Variants in FBXW7 observed in about 807,000 individuals in gnomAD.
The protein encoded by FBXW7 is F-box and WD repeat domain containing 7.
In FBXW7, 11 loss-of-function variants were observed where a neutral mutation model predicts 86.3. The observed-to-expected ratio is 0.13, with a 90% CI of 0.08 to 0.21. The LOEUF is 0.21. Ranked by LOEUF, FBXW7 falls within the 10% of genes least tolerant of loss-of-function variation. FBXW7 has a pLI of 1.00. For synonymous variants in FBXW7, 313 were observed against 297.9 expected (o/e 1.05, Z -0.52); for missense variants, 488 against 847.4 (o/e 0.58, Z 5.27).
At chr4:152,378,584 T>C (rs1734772495) in intron 4 of FBXW7, among the ~76,000 whole-genome samples, 2 of 152,222 alleles carry the variant, frequency 1.3e-5, no homozygotes, top group African/African-American at 4.8e-5. Context: ...TGGAAATTTC[T>C]ACTAAAATAG....
In FBXW7 at chr4:152,351,635, T is replaced by C. The variant is rs72721604; in HGVS notation, c.502-1511A>G. On this transcript the variant is annotated intron_variant, in intron 4 of 13. Coordinates refer to ENST00000281708, the MANE Select transcript of FBXW7 (RefSeq NM_001349798.2). Reference sequence around the variant, plus strand: ...ATAAACATACATGCAAATGAATCCATCAGGAAGGTCAGTCAGTACAGACTA... The same window carrying C: ...ATAAACATACATGCAAATGAATCCACCAGGAAGGTCAGTCAGTACAGACTA... Among the ~76,000 whole-genome samples, 1,043 of 152,254 alleles carry C rather than the reference T, an allele frequency of 6.9e-3. 8 individuals carry two copies. Among genetic ancestry groups the C allele is most frequent in the Non-Finnish European group, 0.011 (731 of 67,980 alleles).
At chr4:152,453,091 G>A (rs1056049644) in intron 2 of FBXW7, among the ~76,000 whole-genome samples, 9 of 152,198 alleles carry the variant, frequency 5.9e-5, no homozygotes, top group Admixed American at 4.6e-4. Context: ...GGCTGAGGCA[G>A]GAGAATCACT....
intron 2 of FBXW7, among the ~76,000 whole-genome samples, chr4:152,533,032 CA>C (rs537353123): frequency 1.3e-5 from 2 of 151,602 alleles, no homozygotes; most frequent in African/African-American, 4.8e-5. Flanking sequence ...ACTAAAAATA[CA>C]AAAAAAATTA....
At chr4:152,341,042 T>G (rs191566192) in intron 6 of FBXW7, among the ~76,000 whole-genome samples, 1 of 152,296 alleles carries the variant, frequency 6.6e-6, no homozygotes, top group Admixed American at 6.5e-5. Flanking sequence ...TACACTGGAT[T>G]GAGCTACCAG....
rs1384547850 is a variant in FBXW7, at chr4:152,322,474, A to C, written c.*407T>G. 1 of 244,530 alleles carries C rather than the reference A, an allele frequency of 4.1e-6. No individual in the cohort carries two copies. 15.1% of individuals were successfully genotyped at this position (244,530 alleles called of 1,614,324 possible). A position where few individuals can be genotyped will look rare whatever the true frequency, so the allele number is the denominator to read the frequency against. On this transcript the variant is annotated 3_prime_UTR_variant, in exon 14 of 14. Transcript: ENST00000281708. ...CCAGTACTTGTTTTGATATTATTGC[A>C]GTTCCTTTCTAGGTGTCTAGCTGTC... is the stretch of plus-strand genomic sequence containing the variant.
At chr4:152,523,283 T>C (rs992474917) in intron 2 of FBXW7, among the ~76,000 whole-genome samples, 5 of 152,064 alleles carry the variant, frequency 3.3e-5, no homozygotes, top group African/African-American at 1.2e-4. Context: ...CTAAAAACTT[T>C]CACAATTTAA....
chr4:152,389,703 A>G (rs1240377995), intron 4 of FBXW7, among the ~76,000 whole-genome samples: 2 of 152,058 alleles, frequency 1.3e-5, no homozygotes, highest in Non-Finnish European at 2.9e-5. Context: ...CCCAAATTTC[A>G]CCACTATGTA....
chr4:152,483,123 T>C (rs1398826464), intron 2 of FBXW7, among the ~76,000 whole-genome samples: 2 of 152,174 alleles, frequency 1.3e-5, no homozygotes, highest in East Asian at 3.8e-4. Flanking sequence ...TTATAAATAA[T>C]GCTAAAATTA....
At chr4:152,487,470 G>A (rs1427593655) in intron 2 of FBXW7, among the ~76,000 whole-genome samples, 4 of 151,944 alleles carry the variant, frequency 2.6e-5, no homozygotes, top group African/African-American at 9.7e-5. Flanking sequence ...AAAAAAGCAA[G>A]TTAAAAAGTT....
chr4:152,498,864 G>C (rs1746632398), intron 2 of FBXW7, among the ~76,000 whole-genome samples: 1 of 152,024 alleles, frequency 6.6e-6, no homozygotes, highest in Non-Finnish European at 1.5e-5. Context: ...CAGAGCTCTA[G>C]GAAGGGAAAA....
At chr4:152,527,770 C>A (rs1387496453) in intron 2 of FBXW7, among the ~76,000 whole-genome samples, 4 of 151,716 alleles carry the variant, frequency 2.6e-5, no homozygotes, top group Non-Finnish European at 5.9e-5. Flanking sequence ...CAACAAGCAA[C>A]CCTGTCTCTA....
At chr4:152,427,420 G>A (rs1414406999) in intron 2 of FBXW7, among the ~76,000 whole-genome samples, 1 of 152,144 alleles carries the variant, frequency 6.6e-6, no homozygotes, top group Non-Finnish European at 1.5e-5. Flanking sequence ...CCTTTGAAGT[G>A]CATTATCCAT....
intron 4 of FBXW7, chr4:152,352,656 G>C (rs567675559): frequency 6.2e-7 from 1 of 1,613,832 alleles, no homozygotes; most frequent in Non-Finnish European, 8.5e-7. Flanking sequence ...GAAGATTAGG[G>C]AGCAGAACCG....
At chr4:152,510,531 AAG>A (rs980048920) in intron 2 of FBXW7, among the ~76,000 whole-genome samples, 1 of 152,216 alleles carries the variant, frequency 6.6e-6, no homozygotes, top group Non-Finnish European at 1.5e-5. Context: ...GGAGGAGAGA[AAG>A]AGGAGGGCGG....
chr4:152,535,937 T>C lies in FBXW7; in HGVS notation c.-1023A>G. 1 of 311,116 alleles carries C rather than the reference T, an allele frequency of 3.2e-6. No individual in the cohort carries two copies. The highest frequency in any genetic ancestry group is 5.9e-6 in the Non-Finnish European group (1 of 169,312). 19.3% of individuals were successfully genotyped at this position (311,116 alleles called of 1,614,324 possible). On this transcript the variant is annotated 5_prime_UTR_variant, in exon 1 of 14. Transcript: ENST00000281708. ...CCGCTGGCCCAGGTGAGAGCGAAGG[T>C]CTCGGCGGCGGCCAGTGCAGGGGGA...
rs1183512380 is a variant in FBXW7 at position 152,405,267 on chromosome 4, A to G, written c.501+6036T>C. On this transcript the variant is annotated intron_variant, in intron 4 of 13. Coordinates refer to ENST00000281708, the MANE Select transcript of FBXW7 (RefSeq NM_001349798.2). Reference sequence around the variant, plus strand: ...TAAGACAAAGCTTACCAAAAATGTCACCAGGTAATACCAAATGAACTGCAC... The same window carrying G: ...TAAGACAAAGCTTACCAAAAATGTCGCCAGGTAATACCAAATGAACTGCAC... Among the ~76,000 whole-genome samples the G allele has an allele frequency of 2.0e-5, 3 of 152,256 alleles. No individual in the cohort carries two copies. The South Asian group carries it at 6.2e-4, about 32-fold the overall frequency.
chr4:152,535,367 A>C lies in FBXW7; in HGVS notation c.-453T>G. On this transcript the variant is annotated 5_prime_UTR_variant, in exon 1 of 14. Transcript: ENST00000281708. Reference sequence around the variant, plus strand: ...CAGCCAAGGAGCCGGGGGGCCGGCGACTGGCCAAGGGAGAAGACCCCCGGA... The same window carrying C: ...CAGCCAAGGAGCCGGGGGGCCGGCGCCTGGCCAAGGGAGAAGACCCCCGGA... The C allele has an allele frequency of 9.8e-5, 34 of 345,474 alleles. No individual in the cohort carries two copies. The highest frequency in any genetic ancestry group is 1.2e-4 in the Non-Finnish European group (24 of 193,348). The allele number at this position is 345,474 out of a possible 1,614,324, so 21.4% of individuals were successfully genotyped here.
intron 2 of FBXW7, among the ~76,000 whole-genome samples, chr4:152,420,352 T>G (rs1166041005): frequency 6.6e-6 from 1 of 152,170 alleles, no homozygotes; most frequent in East Asian, 1.9e-4. Flanking sequence ...CTTCCTCCAC[T>G]GTAGTCTTGA....
At chr4:152,341,083 C>T (rs1481746185) in intron 6 of FBXW7, among the ~76,000 whole-genome samples, 1 of 152,144 alleles carries the variant, frequency 6.6e-6, no homozygotes, top group Non-Finnish European at 1.5e-5. Flanking sequence ...CCTGTAACTC[C>T]CTAAGTGGTC....
Sources: gnomAD v4.1 joint callset for allele counts (sites outside exome capture counted in the v4.1 genomes callset) on GRCh38, gnomAD v4.1.1 for gene constraint, MANE v1.5 for transcripts, NCBI Gene and HGNC (gene_info 2026-07-23, HGNC 2026-07-21) for gene names.